Variants in MCRIP1 observed in about 807,000 individuals in gnomAD.
MCRIP1 encodes mapk-regulated corepressor-interacting protein 1.
Under a neutral mutation model 14.4 loss-of-function variants are expected in MCRIP1, and 10 were observed. The ratio of observed to expected loss-of-function variants is 0.70; its 90% CI spans 0.43 to 1.18. The LOEUF (loss-of-function observed/expected upper bound fraction) is 1.18. Among genes scored for constraint, MCRIP1 ranks in the 50% most tolerant of loss-of-function variants. MCRIP1 has a pLI of 0.00. For synonymous variants in MCRIP1, 53 were observed against 55.7 expected (o/e 0.95, Z 0.21); for missense variants, 119 against 135.4 (o/e 0.88, Z 0.60).
In MCRIP1 at chr17:81,823,087, G is replaced by T; in HGVS notation, c.*160C>A. On this transcript the variant is annotated 3_prime_UTR_variant, in exon 5 of 5. Transcript: ENST00000455127. This position sits in a 1 kb window ranked among gnomAD's most constrained non-coding sequence, Gnocchi z 6.0. ...CCCCAAGGATGAAGGAAGGGGGCTTGGGAAGGAGAGGCAGGCCTCAGCCGT... is the reference window on the plus strand; with the variant it reads ...CCCCAAGGATGAAGGAAGGGGGCTTTGGAAGGAGAGGCAGGCCTCAGCCGT... 1 of 702,890 alleles carries T rather than the reference G, an allele frequency of 1.4e-6. No individual in the cohort carries two copies. Among genetic ancestry groups the T allele is most frequent in the Non-Finnish European group, 2.4e-6 (1 of 408,544 alleles). 43.5% of individuals were successfully genotyped at this position (702,890 alleles called of 1,614,324 possible). A position where few individuals can be genotyped will look rare whatever the true frequency, so the allele number is the denominator to read the frequency against.
rs368509303 is a variant in MCRIP1 at position 81,823,474 on chromosome 17, G to A, written c.167C>T (p.Pro56Leu). The part of the protein sequence containing the change: ...GVERDLRGQV[P>L]GGERGLVEEY... ...CTCCACCAGGCCCCGCTCGCCACCCGGCACCTGGCCTCGCAGGTCTCGCTC... is the reference window on the plus strand; with the variant it reads ...CTCCACCAGGCCCCGCTCGCCACCCAGCACCTGGCCTCGCAGGTCTCGCTC... Residue 56 changes from proline (P) to leucine (L), a missense_variant, in exon 4 of 5, where the codon CCG becomes CTG. Coordinates refer to ENST00000455127, the MANE Select transcript of MCRIP1 (RefSeq NM_207368.5). The surrounding 1 kb of genome is among the most constrained non-coding windows in gnomAD (Gnocchi z 6.0). The A allele has an allele frequency of 6.0e-4, 917 of 1,536,372 alleles. 2 individuals carry two copies. The highest frequency in any genetic ancestry group is 7.2e-4 in the Non-Finnish European group (830 of 1,146,746).
Position 81,823,755 on chromosome 17 carries a change from C to G in MCRIP1, c.128-242G>C. ...GACCAGGACTGTGGTCAGAGGGACC[C>G]CTATGACCCTACCCCAGGCTTCCCT... On this transcript the variant is annotated intron_variant, in intron 3 of 4. Coordinates refer to ENST00000455127, the MANE Select transcript of MCRIP1 (RefSeq NM_207368.5). This position sits in a 1 kb window ranked among gnomAD's most constrained non-coding sequence, Gnocchi z 6.0. 5.0e-6 allele frequency: 3 copies of G among 595,632 alleles called. No individual in the cohort carries two copies. The highest frequency in any genetic ancestry group is 6.0e-6 in the Non-Finnish European group (2 of 334,316). The allele number at this position is 595,632 out of a possible 1,614,324, so 36.9% of individuals were successfully genotyped here. A position where few individuals can be genotyped will look rare whatever the true frequency, so the allele number is the denominator to read the frequency against.
chr17:81,824,362 TG>T lies in MCRIP1; in HGVS notation c.51del (p.Ser17ArgfsTer59). ...SRVVYNGKRT[S>X]SPRSPPSSSE... ...CTGCTGCTGGGTGGGGAGCGGGGGC[TG>T]CTGGTCCTCTTGCCGTTGTACACGA... On this transcript the variant is annotated frameshift_variant, in exon 3 of 5. Transcript: ENST00000455127. LOFTEE classifies it high-confidence loss of function. 6.5e-7 allele frequency: 1 copy of T among 1,535,538 alleles called. No individual in the cohort carries two copies. The highest frequency in any genetic ancestry group is 8.7e-7 in the Non-Finnish European group (1 of 1,146,298).
intron 3 of MCRIP1, 26 bp downstream of exon 3, chr17:81,824,261 G>A: frequency 1.3e-6 from 2 of 1,500,776 alleles, no homozygotes; most frequent in Non-Finnish European, 1.8e-6. Flanking sequence ...GACAGGGCAG[G>A]AGCTGTGTGT....
chr17:81,824,659 A>G (rs1026922792), intron 1 of MCRIP1, 105 bp from the exon 2 acceptor site: 2 of 1,513,590 alleles, frequency 1.3e-6, no homozygotes, highest in Non-Finnish European at 1.8e-6. Context: ...AGATGTGAAC[A>G]AAGTGCATGG....
At chr17:81,828,233 A>C (rs2038449898) in intron 1 of MCRIP1, among the ~76,000 whole-genome samples, 1 of 151,720 alleles carries the variant, frequency 6.6e-6, no homozygotes, top group Admixed American at 6.6e-5. Context: ...TTCTTCCTCC[A>C]GCTTAGGGAC....
chr17:81,829,736 G>A (rs1243740428), intron 1 of MCRIP1, among the ~76,000 whole-genome samples: 1 of 152,106 alleles, frequency 6.6e-6, no homozygotes, highest in Non-Finnish European at 1.5e-5. Flanking sequence ...ATGGTCTTTA[G>A]GTGTTTTCTC....
rs531462729 is a variant in MCRIP1, at chr17:81,822,904, G to A, written c.*343C>T. 1 of 468,968 alleles carries A rather than the reference G, an allele frequency of 2.1e-6. No homozygotes were observed. Among genetic ancestry groups the A allele is most frequent in the South Asian group, 2.5e-5 (1 of 39,300 alleles). The allele number at this position is 468,968 out of a possible 1,614,324, so 29.1% of individuals were successfully genotyped here. ...CAGAGGCTCCTTCTTCTCCCCTCCT[G>A]ATCCTGCAGTGGCCAGGGGCAGGAG... On this transcript the variant is annotated 3_prime_UTR_variant, in exon 5 of 5. Coordinates refer to ENST00000455127, the MANE Select transcript of MCRIP1 (RefSeq NM_207368.5).
chr17:81,827,076 C>T (rs2038420448), intron 1 of MCRIP1, among the ~76,000 whole-genome samples: 1 of 150,518 alleles, frequency 6.6e-6, no homozygotes, highest in Non-Finnish European at 1.5e-5. Flanking sequence ...CGAGATCGTG[C>T]CACTGCACTC....
chr17:81,824,369 C>A lies in MCRIP1; in HGVS notation c.45G>T (p.Arg15Ser). 6.5e-7 allele frequency: 1 copy of A among 1,535,854 alleles called. No homozygotes were observed. Among genetic ancestry groups the A allele is most frequent in the Non-Finnish European group, 8.7e-7 (1 of 1,146,414 alleles). Residue 15 changes from arginine (R) to serine (S), a missense_variant, in exon 3 of 5, where the codon AGG (arginine) becomes AGT (serine). Transcript: ENST00000455127. The stretch of plus-strand genomic sequence containing the variant: ...TGGGTGGGGAGCGGGGGCTGCTGGT[C>A]CTCTTGCCGTTGTACACGACTCTGG... Reference protein sequence around the residue: ...PVSRVVYNGKRTSSPRSPPSS... With the variant: ...PVSRVVYNGKSTSSPRSPPSS...
intron 1 of MCRIP1, among the ~76,000 whole-genome samples, chr17:81,831,989 A>T (rs1194946887): frequency 6.6e-6 from 1 of 152,086 alleles, no homozygotes; most frequent in Non-Finnish European, 1.5e-5. Flanking sequence ...ACAGAACCCC[A>T]GTCTCTGGCC....
chr17:81,831,597 C>CCTG, intron 1 of MCRIP1, among the ~76,000 whole-genome samples: 4 of 152,138 alleles, frequency 2.6e-5, no homozygotes, highest in African/African-American at 9.7e-5. Flanking sequence ...AGGGCAGCCA[C>CCTG]CACGCTGGGC....
chr17:81,822,941 A>G lies in MCRIP1; in HGVS notation c.*306T>C, dbSNP rs1011809387. Reference sequence around the variant, plus strand: ...GCCAGGGGCAGGAGGGTGAGGGGAGAGGAGAGAGGTCAGGTCAGGGCCCCT... The same window carrying G: ...GCCAGGGGCAGGAGGGTGAGGGGAGGGGAGAGAGGTCAGGTCAGGGCCCCT... On this transcript the variant is annotated 3_prime_UTR_variant, in exon 5 of 5. Coordinates refer to ENST00000455127, the MANE Select transcript of MCRIP1 (RefSeq NM_207368.5). 7 of 540,252 alleles carry G rather than the reference A, an allele frequency of 1.3e-5. No individual in the cohort carries two copies. Among genetic ancestry groups the G allele is most frequent in the Non-Finnish European group, 2.0e-5 (6 of 300,988 alleles). The allele number at this position is 540,252 out of a possible 1,614,324, so 33.5% of individuals were successfully genotyped here.
Position 81,823,881 on chromosome 17 carries a change from C to T in MCRIP1, c.128-368G>A, listed in dbSNP as rs1205312863. On this transcript the variant is annotated intron_variant, in intron 3 of 4. Coordinates refer to ENST00000455127, the MANE Select transcript of MCRIP1 (RefSeq NM_207368.5). The surrounding 1 kb of genome is among the most constrained non-coding windows in gnomAD (Gnocchi z 6.0). Reference sequence around the variant, plus strand: ...AGCACACGGCACACTCCCCTAATCCCAGACAACCACCTCCCGGCCACTTCT... The same window carrying T: ...AGCACACGGCACACTCCCCTAATCCTAGACAACCACCTCCCGGCCACTTCT... 1 of 530,752 alleles carries T rather than the reference C, an allele frequency of 1.9e-6. No homozygotes were observed. The highest frequency in any genetic ancestry group is 3.3e-6 in the Non-Finnish European group (1 of 299,386). 32.9% of individuals were successfully genotyped at this position (530,752 alleles called of 1,614,324 possible). A position where few individuals can be genotyped will look rare whatever the true frequency, so the allele number is the denominator to read the frequency against.
At chr17:81,832,640 G>A (rs887385568) in intron 1 of MCRIP1, among the ~76,000 whole-genome samples, 5 of 152,254 alleles carry the variant, frequency 3.3e-5, no homozygotes, top group Non-Finnish European at 7.3e-5. Flanking sequence ...GGGCAGGAGG[G>A]AGAGAAGCAC....
At chr17:81,826,890 C>T (rs1372737790) in intron 1 of MCRIP1, among the ~76,000 whole-genome samples, 9 of 146,576 alleles carry the variant, frequency 6.1e-5, no homozygotes, top group African/African-American at 7.7e-5. Flanking sequence ...GAGGCCGAGG[C>T]GGGTGGATCA....
At chr17:81,828,182 A>G (rs2038448604) in intron 1 of MCRIP1, among the ~76,000 whole-genome samples, 1 of 152,042 alleles carries the variant, frequency 6.6e-6, no homozygotes, top group African/African-American at 2.4e-5. Flanking sequence ...GTGTCCTCTA[A>G]GTCTTCCCAG....
Position 81,823,867 on chromosome 17 carries a change from C to A in MCRIP1, c.128-354G>T. 1 of 542,250 alleles carries A rather than the reference C, an allele frequency of 1.8e-6. No homozygotes were observed. The highest frequency in any genetic ancestry group is 3.3e-6 in the Non-Finnish European group (1 of 305,332). 33.6% of individuals were successfully genotyped at this position (542,250 alleles called of 1,614,324 possible). A position where few individuals can be genotyped will look rare whatever the true frequency, so the allele number is the denominator to read the frequency against. ...ACCTCCCCGGCCCCAGCACACGGCA[C>A]ACTCCCCTAATCCCAGACAACCACC... is the stretch of plus-strand genomic sequence containing the variant. On this transcript the variant is annotated intron_variant, in intron 3 of 4. Coordinates refer to ENST00000455127, the MANE Select transcript of MCRIP1 (RefSeq NM_207368.5). This position sits in a 1 kb window ranked among gnomAD's most constrained non-coding sequence, Gnocchi z 6.0.
At chr17:81,826,042 C>T in intron 1 of MCRIP1, 2 of 1,430,804 alleles carry the variant, frequency 1.4e-6, no homozygotes, top group Non-Finnish European at 1.9e-6. Flanking sequence ...CCCAGCCTGC[C>T]CTCTCCCGTG....
Sources: gnomAD v4.1 joint callset for allele counts (sites outside exome capture counted in the v4.1 genomes callset) on GRCh38, gnomAD v4.1.1 for gene constraint, Gnocchi (gnomAD v3.1) non-coding constraint, MANE v1.5 for transcripts, NCBI Gene and HGNC (gene_info 2026-07-23, HGNC 2026-07-21) for gene names.